CMTM7: variants seen among roughly 807,000 people sequenced by gnomAD.
CMTM7 encodes CKLF-like MARVEL transmembrane domain-containing protein 7.
Under a neutral mutation model 19.3 loss-of-function variants are expected in CMTM7, and 7 were observed. That is an observed-to-expected ratio of 0.36 (90% confidence interval 0.21 to 0.68). CMTM7 has a LOEUF of 0.68. Among genes scored for constraint, CMTM7 ranks in the 30% least tolerant of loss-of-function variants. CMTM7 has a pLI of 0.60. For missense variants in CMTM7, 193 were observed against 232.6 expected (o/e 0.83, Z 1.11); for synonymous variants, 87 against 99.3 (o/e 0.88, Z 0.74).
At position 32,449,477 on chromosome 3, in the gene CMTM7, T is replaced by A; in HGVS notation, c.357T>A (p.Gly119=). 1 of 1,614,096 alleles carries A rather than the reference T, an allele frequency of 6.2e-7. No homozygotes were observed. Among genetic ancestry groups the A allele is most frequent in the Non-Finnish European group, 8.5e-7 (1 of 1,179,932 alleles). ...AGGAACTTCTGCACTATTTAATCGG[T>A]ACCCTGCTCCTCCTCATCGCCTCCA... ...PLSELLHYLI[G]TLLLLIASIV... Residue 119 remains glycine (G), a synonymous_variant, in exon 3 of 5, where the codon GGT becomes GGA. Transcript: ENST00000334983. The surrounding 1 kb of genome is among the most constrained non-coding windows in gnomAD (Gnocchi z 4.5).
chr3:32,444,043 A>C (rs1193619835), intron 2 of CMTM7, among the ~76,000 whole-genome samples: 1 of 152,178 alleles, frequency 6.6e-6, no homozygotes, highest in Non-Finnish European at 1.5e-5. Context: ...CCTTTAAAGC[A>C]CAAGTTTTTA....
intron 1 of CMTM7, among the ~76,000 whole-genome samples, chr3:32,410,689 A>AC (rs981434888): frequency 1.2e-4 from 18 of 151,690 alleles, no homozygotes; most frequent in African/African-American, 3.9e-4. Context: ...GCCCACTCCC[A>AC]CCCCCCACAG....
At chr3:32,399,073 G>C (rs557661711) in intron 1 of CMTM7, among the ~76,000 whole-genome samples, 1 of 152,108 alleles carries the variant, frequency 6.6e-6, no homozygotes, top group African/African-American at 2.4e-5. Context: ...AACAGGGTGG[G>C]AGTATTGGGG....
At chr3:32,410,151 C>T (rs1696150831) in intron 1 of CMTM7, among the ~76,000 whole-genome samples, 1 of 152,204 alleles carries the variant, frequency 6.6e-6, no homozygotes, top group African/African-American at 2.4e-5. Flanking sequence ...CTGCACCACC[C>T]TGCTACCATC....
chr3:32,392,821 G>A (rs1228788155), intron 1 of CMTM7, among the ~76,000 whole-genome samples: 2 of 152,222 alleles, frequency 1.3e-5, no homozygotes, highest in African/African-American at 4.8e-5. Flanking sequence ...GACCAACTCA[G>A]CACAAGGGCC....
At chr3:32,411,204 GT>G (rs1392553071) in intron 1 of CMTM7, among the ~76,000 whole-genome samples, 4 of 152,164 alleles carry the variant, frequency 2.6e-5, no homozygotes, top group African/African-American at 9.7e-5. Context: ...AGGCACCATT[GT>G]TTTAGGCACT....
chr3:32,396,912 G>T (rs1191546122), intron 1 of CMTM7, among the ~76,000 whole-genome samples: 1 of 152,184 alleles, frequency 6.6e-6, no homozygotes, highest in Non-Finnish European at 1.5e-5. Flanking sequence ...CTACCAACAC[G>T]TCCTATCTAT....
intron 1 of CMTM7, among the ~76,000 whole-genome samples, chr3:32,432,055 G>A (rs1258560295): frequency 6.6e-6 from 1 of 152,192 alleles, no homozygotes; most frequent in African/African-American, 2.4e-5. Flanking sequence ...TCTGGGATAT[G>A]CTCCCTCTTC....
chr3:32,436,257 A>C (rs1232635993), intron 1 of CMTM7, among the ~76,000 whole-genome samples: 4 of 152,184 alleles, frequency 2.6e-5, no homozygotes, highest in Admixed American at 2.6e-4. Context: ...GTGAGACAGG[A>C]CCTAGAGGAA....
intron 4 of CMTM7, 72 bp from the exon 5 acceptor site, chr3:32,454,169 A>G (rs1696875756): frequency 3.9e-6 from 6 of 1,521,472 alleles, no homozygotes; most frequent in Non-Finnish European, 5.3e-6. Context: ...CTTGGAGTCA[A>G]ACCTGTGGAG....
intron 1 of CMTM7, among the ~76,000 whole-genome samples, chr3:32,407,054 C>T (rs1696100916): frequency 6.6e-6 from 1 of 152,166 alleles, no homozygotes; most frequent in Non-Finnish European, 1.5e-5. Flanking sequence ...TGAAAGGGAA[C>T]CTGGGAATCT....
chr3:32,452,080 A>G (rs1466298309), intron 3 of CMTM7: 1 of 1,395,862 alleles, frequency 7.2e-7, no homozygotes, highest in South Asian at 1.2e-5. Flanking sequence ...ATCAAAGTCC[A>G]TTGGCTTAGC....
At chr3:32,395,097 T>C (rs1230572020) in intron 1 of CMTM7, among the ~76,000 whole-genome samples, 3 of 150,534 alleles carry the variant, frequency 2.0e-5, no homozygotes, top group African/African-American at 7.4e-5. Context: ...CTTAACCTCC[T>C]GGGCTCGGCG....
rs34745605 is a variant in CMTM7, at chr3:32,393,772, CAAAAAAAAA to C, written c.159+1718_159+1726del. ...CTGCGTGACGGAGGGAGGCCTGTCT[CAAAAAAAAA>C]AAAAAAAAAAGGTACAAAGAAAAGG... On this transcript the variant is annotated intron_variant, in intron 1 of 4. Transcript: ENST00000334983. Among the ~76,000 whole-genome samples the C allele has an allele frequency of 3.6e-3, 329 of 92,440 alleles. 2 individuals carry two copies. The highest frequency in any genetic ancestry group is 0.015 in the African/African-American group (321 of 21,290). The allele number at this position is 92,440 out of a possible 152,430, so 60.6% of individuals were successfully genotyped here.
chr3:32,433,570 C>G (rs181825802), intron 1 of CMTM7, among the ~76,000 whole-genome samples: 1 of 152,258 alleles, frequency 6.6e-6, no homozygotes, highest in African/African-American at 2.4e-5. Flanking sequence ...AGGGCAGCCT[C>G]CAAAAGTCAC....
intron 1 of CMTM7, among the ~76,000 whole-genome samples, chr3:32,396,384 G>A (rs1337148816): frequency 6.6e-6 from 1 of 152,142 alleles, no homozygotes; most frequent in African/African-American, 2.4e-5. Flanking sequence ...GCAGGTGCCT[G>A]TAATCCCAGC....
At chr3:32,403,832 G>T (rs926667748) in intron 1 of CMTM7, among the ~76,000 whole-genome samples, 5 of 152,168 alleles carry the variant, frequency 3.3e-5, no homozygotes, top group African/African-American at 1.2e-4. Context: ...TGATGGGCAG[G>T]CTGTGGCAGA....
chr3:32,396,304 G>A (rs748009652), intron 1 of CMTM7, among the ~76,000 whole-genome samples: 20 of 152,006 alleles, frequency 1.3e-4, no homozygotes, highest in Non-Finnish European at 2.8e-4. Flanking sequence ...TCAGGAGTTC[G>A]AGACCAGCCT....
At chr3:32,435,527 G>A (rs569195480) in intron 1 of CMTM7, among the ~76,000 whole-genome samples, 1 of 152,214 alleles carries the variant, frequency 6.6e-6, no homozygotes. Flanking sequence ...GATTAAGTAG[G>A]TCATTCTCCA....
Sources: gnomAD v4.1 joint callset for allele counts (sites outside exome capture counted in the v4.1 genomes callset) on GRCh38, gnomAD v4.1.1 for gene constraint, Gnocchi (gnomAD v3.1) non-coding constraint, MANE v1.5 for transcripts, NCBI Gene and HGNC (gene_info 2026-07-23, HGNC 2026-07-21) for gene names.